The following BEND6 variants were observed in gnomAD, a reference collection of about 807,000 sequenced individuals.
BEND6 encodes BEN domain-containing protein 6.
In BEND6, 24 loss-of-function variants were observed where a neutral mutation model predicts 31.8. The ratio of observed to expected loss-of-function variants is 0.75; its 90% CI spans 0.55 to 1.06. The LOEUF is 1.06. Among genes scored for constraint, BEND6 ranks in the 50% least tolerant of loss-of-function variants. The probability of loss-of-function intolerance (pLI) is 0.00; values close to 1 mark genes in which losing one functional copy is unlikely to be tolerated. For missense variants in BEND6, 294 were observed against 327.4 expected, an observed-to-expected ratio of 0.90 and a Z score of 0.79; for synonymous variants, 109 against 114.6, an observed-to-expected ratio of 0.95 and a Z score of 0.31.
intron 2 of BEND6, among the ~76,000 whole-genome samples, chr6:56,984,432 C>T (rs769345064): frequency 5.9e-5 from 9 of 152,170 alleles, no homozygotes; most frequent in Non-Finnish European, 1.2e-4. Flanking sequence ...TTGTACTTCC[C>T]TACAACCGTT....
At chr6:56,958,701 C>T (rs184376139) in intron 1 of BEND6, among the ~76,000 whole-genome samples, 74 of 152,274 alleles carry the variant, frequency 4.9e-4, no homozygotes, top group African/African-American at 1.8e-3. Context: ...ACTTTGGAGA[C>T]GGCTTCCATT....
intron 5 of BEND6, 22 bp from the exon 6 acceptor site, chr6:57,018,399 T>C (rs781773937): frequency 1.9e-6 from 3 of 1,574,914 alleles, no homozygotes; most frequent in South Asian, 2.4e-5. Flanking sequence ...GTTTCTCATG[T>C]GTCGCTATTG....
chr6:56,969,504 C>T (rs1027678697), intron 1 of BEND6, among the ~76,000 whole-genome samples: 2 of 152,098 alleles, frequency 1.3e-5, no homozygotes, highest in East Asian at 3.9e-4. Context: ...GACCTGAGTA[C>T]TATAAGGGGT....
chr6:57,018,679 A>G (rs1372256010), intron 6 of BEND6, 122 bp downstream of exon 6: 3 of 1,040,892 alleles, frequency 2.9e-6, no homozygotes, highest in African/African-American at 3.4e-5. Flanking sequence ...ATGAAAAGCT[A>G]ATAGGTATTC....
intron 2 of BEND6, among the ~76,000 whole-genome samples, chr6:56,985,041 G>C (rs1045367234): frequency 4.6e-5 from 7 of 152,198 alleles, no homozygotes; most frequent in African/African-American, 1.4e-4. Context: ...ACAAGGAGTA[G>C]CTGATACATA....
chr6:56,981,848 C>T lies in BEND6; in HGVS notation c.38C>T (p.Thr13Ile), dbSNP rs752940502. ...KIVQTDEITN[T>I]QAFRKGKRKR... ...GTGCAGACAGATGAAATTACCAATACACAAGCTTTTAGAAAAGGAAAGAGG... is the reference window on the plus strand; with the variant it reads ...GTGCAGACAGATGAAATTACCAATATACAAGCTTTTAGAAAAGGAAAGAGG... Residue 13 changes from threonine (T) to isoleucine (I), a missense_variant, in exon 2 of 7, where the codon ACA becomes ATA. Coordinates refer to ENST00000370746, the MANE Select transcript of BEND6 (RefSeq NM_152731.3). 6.2e-6 allele frequency: 10 copies of T among 1,612,574 alleles called. No individual in the cohort carries two copies. Among genetic ancestry groups the T allele is most frequent in the Non-Finnish European group, 8.5e-6 (10 of 1,179,262 alleles).
At chr6:57,014,580 T>A (rs1827463747) in intron 3 of BEND6, 4 of 1,293,780 alleles carry the variant, frequency 3.1e-6, no homozygotes, top group Non-Finnish European at 2.1e-6. Flanking sequence ...ATTACCAAAA[T>A]TCATCTTTAA....
At chr6:56,989,276 C>G (rs1174304978) in intron 2 of BEND6, among the ~76,000 whole-genome samples, 2 of 151,436 alleles carry the variant, frequency 1.3e-5, no homozygotes, top group East Asian at 3.9e-4. Context: ...CAACATTTTA[C>G]TGAAATTAAT....
At position 56,963,921 on chromosome 6, in the gene BEND6, G is replaced by A. The variant is rs184358100; in HGVS notation, c.-101+8461G>A. 3.0e-3 allele frequency among the ~76,000 whole-genome samples: 436 copies of A among 145,656 alleles called. 4 individuals carry two copies. The highest frequency in any genetic ancestry group is 0.015 in the South Asian group (72 of 4,656). ...AATTACAATATTAATAATATACTTCGTTATAAAATAAAATATTTTTGTAAT... is the reference window on the plus strand; with the variant it reads ...AATTACAATATTAATAATATACTTCATTATAAAATAAAATATTTTTGTAAT... On this transcript the variant is annotated intron_variant, in intron 1 of 6. Coordinates refer to ENST00000370746, the MANE Select transcript of BEND6 (RefSeq NM_152731.3).
At chr6:56,961,990 G>T (rs905828238) in intron 1 of BEND6, among the ~76,000 whole-genome samples, 4 of 152,200 alleles carry the variant, frequency 2.6e-5, no homozygotes, top group African/African-American at 9.6e-5. Context: ...GATTATTGTT[G>T]TGACAGTATT....
At chr6:56,975,358 C>T (rs1001036603) in intron 1 of BEND6, among the ~76,000 whole-genome samples, 3 of 152,072 alleles carry the variant, frequency 2.0e-5, no homozygotes, top group East Asian at 1.9e-4. Context: ...AAGAAAATGC[C>T]TCTCAACATC....
rs189603080 is a variant in BEND6, at chr6:56,960,641, A to T, written c.-101+5181A>T. 1.5e-3 allele frequency among the ~76,000 whole-genome samples: 226 copies of T among 152,354 alleles called. 1 individual carries two copies. The highest frequency in any genetic ancestry group is 2.7e-3 in the Non-Finnish European group (184 of 68,028). On this transcript the variant is annotated intron_variant, in intron 1 of 6. Coordinates refer to ENST00000370746, the MANE Select transcript of BEND6 (RefSeq NM_152731.3). ...AAATATTTTGTGCTAATAGAGTTGTATGCTAATGCATCAATGCACTCATAG... is the reference window on the plus strand; with the variant it reads ...AAATATTTTGTGCTAATAGAGTTGTTTGCTAATGCATCAATGCACTCATAG...
intron 2 of BEND6, among the ~76,000 whole-genome samples, chr6:56,990,829 A>G (rs1382576026): frequency 6.6e-6 from 1 of 152,198 alleles, no homozygotes; most frequent in Non-Finnish European, 1.5e-5. Flanking sequence ...TAAGGATCCT[A>G]CAGGAGTCAG....
At chr6:56,962,606 T>C (rs1416983274) in intron 1 of BEND6, among the ~76,000 whole-genome samples, 3 of 152,210 alleles carry the variant, frequency 2.0e-5, no homozygotes, top group African/African-American at 7.2e-5. Context: ...CTGGGCCTAG[T>C]GGGCACTGTT....
At chr6:56,977,251 C>A (rs1292840409) in intron 1 of BEND6, among the ~76,000 whole-genome samples, 11 of 152,152 alleles carry the variant, frequency 7.2e-5, no homozygotes, top group Non-Finnish European at 1.3e-4. Context: ...AAATAACAAG[C>A]AAGTGACTGT....
At chr6:56,974,159 G>A (rs1592977481) in intron 1 of BEND6, among the ~76,000 whole-genome samples, 1 of 152,218 alleles carries the variant, frequency 6.6e-6, no homozygotes, top group East Asian at 1.9e-4. Flanking sequence ...GGTAAGGGGA[G>A]AGTAGAGTAC....
intron 3 of BEND6, among the ~76,000 whole-genome samples, chr6:56,995,787 C>T (rs1029815452): frequency 4.7e-4 from 72 of 152,290 alleles, no homozygotes; most frequent in African/African-American, 1.6e-3. Flanking sequence ...CAAATAAGGT[C>T]ACATTCTGAG....
intron 1 of BEND6, among the ~76,000 whole-genome samples, chr6:56,980,323 G>C (rs554929320): frequency 4.5e-4 from 68 of 152,224 alleles, no homozygotes; most frequent in African/African-American, 1.6e-3. Context: ...AGAGTAGTTG[G>C]AACTACAAGC....
chr6:56,975,238 A>C (rs1825830695), intron 1 of BEND6, among the ~76,000 whole-genome samples: 1 of 152,194 alleles, frequency 6.6e-6, no homozygotes, highest in African/African-American at 2.4e-5. Flanking sequence ...AATTTCTGAA[A>C]ATCAGAAGTG....
Sources: gnomAD v4.1 joint callset for allele counts (sites outside exome capture counted in the v4.1 genomes callset) on GRCh38, gnomAD v4.1.1 for gene constraint, MANE v1.5 for transcripts, NCBI Gene and HGNC (gene_info 2026-07-23, HGNC 2026-07-21) for gene names.